DSTN: variants seen among roughly 807,000 people sequenced by gnomAD.
The protein encoded by DSTN is destrin, actin depolymerizing factor, also known as destrin.
Under a neutral mutation model 16.8 loss-of-function variants are expected in DSTN, and 10 were observed. The observed-to-expected ratio is 0.60, with a 90% CI of 0.37 to 1.01. The LOEUF (loss-of-function observed/expected upper bound fraction) is 1.01. DSTN is among the 50% of genes least tolerant of loss of function. The probability of loss-of-function intolerance (pLI) is 0.01; values close to 1 mark genes in which losing one functional copy is unlikely to be tolerated. For synonymous variants in DSTN, 57 were observed against 58.9 expected (o/e 0.97, Z 0.14); for missense variants, 141 against 196.7 (o/e 0.72, Z 1.69).
chr20:17,591,524 T>TA (rs1465050089), intron 1 of DSTN, among the ~76,000 whole-genome samples: 2 of 152,258 alleles, frequency 1.3e-5, no homozygotes, highest in African/African-American at 4.8e-5. Context: ...ATTTTGCCTG[T>TA]AGGCAAAGAA....
At chr20:17,574,956 A>C (rs2035261564) in intron 1 of DSTN, among the ~76,000 whole-genome samples, 1 of 136,674 alleles carries the variant, frequency 7.3e-6, no homozygotes, top group Non-Finnish European at 1.5e-5. Context: ...TCCTGGGCTC[A>C]AATGATCCTC....
chr20:17,595,090 C>T (rs1054215773), intron 1 of DSTN, among the ~76,000 whole-genome samples: 1 of 152,184 alleles, frequency 6.6e-6, no homozygotes, highest in African/African-American at 2.4e-5. Context: ...AGGAAGAATG[C>T]AGAGTTCGTC....
At chr20:17,573,758 A>C (rs531063743) in intron 1 of DSTN, among the ~76,000 whole-genome samples, 28 of 152,260 alleles carry the variant, frequency 1.8e-4, no homozygotes, top group African/African-American at 6.5e-4. Flanking sequence ...TTTGATTACT[A>C]GTGAGCTGAC....
At position 17,600,919 on chromosome 20, in the gene DSTN, T is replaced by A. The variant is rs771579785; in HGVS notation, c.185T>A (p.Val62Glu). The A allele has an allele frequency of 1.7e-5, 28 of 1,614,024 alleles. 1 individual carries two copies. The South Asian group carries it at 3.1e-4, about 18-fold the overall frequency. ...GAGATCTTGGTTGGAGATGTTGGTG[T>A]AACCATAACTGATCCTTTCAAGCAT... Reference protein sequence around the residue: ...GKEILVGDVGVTITDPFKHFV... With the variant: ...GKEILVGDVGETITDPFKHFV... Residue 62 changes from valine (V) to glutamate (E), a missense_variant, in exon 2 of 4, where the codon GTA becomes GAA. Transcript: ENST00000246069.
At chr20:17,587,489 T>C in intron 1 of DSTN, among the ~76,000 whole-genome samples, 1 of 152,174 alleles carries the variant, frequency 6.6e-6, no homozygotes. Flanking sequence ...TTTGACTCTT[T>C]CCAAATTAAC....
At chr20:17,591,470 T>C (rs1357926311) in intron 1 of DSTN, among the ~76,000 whole-genome samples, 1 of 152,172 alleles carries the variant, frequency 6.6e-6, no homozygotes, top group African/African-American at 2.4e-5. Context: ...CCTACTAATA[T>C]TGGTAAAATA....
Position 17,609,699 on chromosome 20 carries a change from G to A in DSTN, c.*2553G>A, listed in dbSNP as rs1172257749. 2 of 152,190 alleles carry A rather than the reference G, an allele frequency of 1.3e-5. No individual in the cohort carries two copies. The highest frequency in any genetic ancestry group is 2.4e-5 in the African/African-American group (1 of 41,444). 9.4% of individuals were successfully genotyped at this position (152,190 alleles called of 1,614,324 possible). A position where few individuals can be genotyped will look rare whatever the true frequency, so the allele number is the denominator to read the frequency against. On this transcript the variant is annotated 3_prime_UTR_variant, in exon 4 of 4. Coordinates refer to ENST00000246069, the MANE Select transcript of DSTN (RefSeq NM_006870.4). The stretch of plus-strand genomic sequence containing the variant: ...AGAATTGTGCTAACAAGCACTCAAG[G>A]CGATTCTGGTACATAATTAGGGTTC...
chr20:17,577,743 A>G (rs1356803482), intron 1 of DSTN, among the ~76,000 whole-genome samples: 1 of 152,182 alleles, frequency 6.6e-6, no homozygotes, highest in Non-Finnish European at 1.5e-5. Flanking sequence ...AATTTTACAT[A>G]TAAATTGTTT....
At chr20:17,606,603 A>G (rs1215597494) in intron 3 of DSTN, among the ~76,000 whole-genome samples, 2 of 152,236 alleles carry the variant, frequency 1.3e-5, no homozygotes, top group Non-Finnish European at 1.5e-5. Context: ...AAATTATTGT[A>G]GAATGTGTTG....
At chr20:17,604,969 A>G (rs2273617) in intron 3 of DSTN, 22,328 of 453,636 alleles carry the variant, frequency 0.049, 843 homozygotes, top group East Asian at 0.13. Context: ...ACATAATAGT[A>G]AATTTGCTCT....
At chr20:17,589,780 T>C (rs1354774104) in intron 1 of DSTN, among the ~76,000 whole-genome samples, 1 of 152,238 alleles carries the variant, frequency 6.6e-6, no homozygotes, top group East Asian at 1.9e-4. Context: ...TAGATTAAGA[T>C]GCTGATGACA....
chr20:17,596,298 C>T (rs1274353659), intron 1 of DSTN, among the ~76,000 whole-genome samples: 1 of 152,106 alleles, frequency 6.6e-6, no homozygotes, highest in African/African-American at 2.4e-5. Flanking sequence ...ATGTTGGTGA[C>T]CCCATGGTGT....
At chr20:17,607,005 T>C (rs758781397) in intron 3 of DSTN, 32 bp from the exon 4 acceptor site, 2 of 1,606,584 alleles carry the variant, frequency 1.2e-6, no homozygotes, top group Admixed American at 1.7e-5. Flanking sequence ...GCTGCCATAA[T>C]TGTAAATAGA....
intron 1 of DSTN, among the ~76,000 whole-genome samples, chr20:17,576,844 A>C (rs571166669): frequency 1.3e-5 from 2 of 152,238 alleles, no homozygotes; most frequent in South Asian, 4.1e-4. Flanking sequence ...TTGCTTTCAG[A>C]AAATAGCTTG....
chr20:17,581,298 T>C (rs12624340), intron 1 of DSTN, among the ~76,000 whole-genome samples: 2 of 152,020 alleles, frequency 1.3e-5, no homozygotes, highest in East Asian at 1.9e-4. Flanking sequence ...CTGGGCAACA[T>C]AGAGAGAACC....
At chr20:17,591,497 A>G (rs1168633139) in intron 1 of DSTN, among the ~76,000 whole-genome samples, 1 of 152,222 alleles carries the variant, frequency 6.6e-6, no homozygotes, top group African/African-American at 2.4e-5. Context: ...TCTTACCACT[A>G]CTGCTTCATT....
intron 1 of DSTN, among the ~76,000 whole-genome samples, chr20:17,588,036 C>CT (rs964876395): frequency 1.3e-5 from 2 of 152,244 alleles, no homozygotes; most frequent in South Asian, 4.1e-4. Flanking sequence ...TCCCTACTTG[C>CT]TTTTTTTCTC....
chr20:17,590,036 G>A (rs749883842), intron 1 of DSTN, among the ~76,000 whole-genome samples: 1 of 152,142 alleles, frequency 6.6e-6, no homozygotes, highest in African/African-American at 2.4e-5. Context: ...AAAGACCACC[G>A]TTTCTGATTT....
intron 1 of DSTN, among the ~76,000 whole-genome samples, chr20:17,571,129 A>G (rs1478922491): frequency 6.6e-6 from 1 of 152,240 alleles, no homozygotes; most frequent in South Asian, 2.1e-4. Context: ...TTACACTGTC[A>G]CTCTAATTAG....
Sources: gnomAD v4.1 joint callset for allele counts (sites outside exome capture counted in the v4.1 genomes callset) on GRCh38, gnomAD v4.1.1 for gene constraint, MANE v1.5 for transcripts, NCBI Gene and HGNC (gene_info 2026-07-23, HGNC 2026-07-21) for gene names.